The following CHODL variants were observed in gnomAD, a reference collection of about 807,000 sequenced individuals.
CHODL encodes transmembrane protein MT75.
A neutral mutation model predicts 34.5 loss-of-function variants in CHODL; 29 were observed. That is an observed-to-expected ratio of 0.84 (90% CI 0.63 to 1.15). The LOEUF (loss-of-function observed/expected upper bound fraction) is 1.15, where lower values mean the gene tolerates loss of function less well. Ranked by LOEUF, CHODL falls within the 50% of genes most tolerant of loss-of-function variation. The pLI is 0.00. For synonymous variants in CHODL, 125 were observed against 116.1 expected, an observed-to-expected ratio of 1.08 and a Z score of -0.49; for missense variants, 332 against 332.5, an observed-to-expected ratio of 1.00 and a Z score of 0.01.
intron 1 of CHODL, among the ~76,000 whole-genome samples, chr21:17,975,164 T>C (rs938374969): frequency 2.0e-5 from 3 of 151,984 alleles, no homozygotes; most frequent in Non-Finnish European, 4.4e-5. Flanking sequence ...TATGTCCTTT[T>C]CAGCAACATG....
chr21:18,023,497 A>G (rs2064146528), intron 1 of CHODL, among the ~76,000 whole-genome samples: 1 of 151,986 alleles, frequency 6.6e-6, no homozygotes, highest in Admixed American at 6.6e-5. Flanking sequence ...CGCGAACCCA[A>G]TCAGGAATGA....
At chr21:18,087,515 C>A (rs1323794295) in intron 2 of CHODL, among the ~76,000 whole-genome samples, 1 of 152,084 alleles carries the variant, frequency 6.6e-6, no homozygotes, top group African/African-American at 2.4e-5. Flanking sequence ...CACGGCAGCC[C>A]ATTGCAGGGC....
At chr21:17,971,747 C>A (rs190392995) in intron 1 of CHODL, among the ~76,000 whole-genome samples, 26 of 152,270 alleles carry the variant, frequency 1.7e-4, no homozygotes, top group African/African-American at 5.5e-4. Flanking sequence ...GGTACCATTC[C>A]TTCTGAAATG....
intron 2 of CHODL, among the ~76,000 whole-genome samples, chr21:18,053,351 A>T (rs1181166147): frequency 6.6e-6 from 1 of 151,990 alleles, no homozygotes; most frequent in African/African-American, 2.4e-5. Flanking sequence ...TGAAATGCTG[A>T]TGTAGCATTC....
intron 2 of CHODL, among the ~76,000 whole-genome samples, chr21:18,109,160 AG>A (rs1416967283): frequency 1.3e-5 from 2 of 152,260 alleles, no homozygotes; most frequent in South Asian, 2.1e-4. Flanking sequence ...GTGCAGTTGT[AG>A]GGATGACTTA....
intron 2 of CHODL, among the ~76,000 whole-genome samples, chr21:18,147,198 A>T (rs1188880686): frequency 2.6e-5 from 4 of 152,354 alleles, no homozygotes; most frequent in South Asian, 2.1e-4. Flanking sequence ...ATGGAAGAGT[A>T]CACTTGGTTA....
chr21:17,936,994 A>T (rs907406260), intron 1 of CHODL, among the ~76,000 whole-genome samples: 5 of 151,118 alleles, frequency 3.3e-5, no homozygotes, highest in Non-Finnish European at 5.9e-5. Context: ...GAATCACTTG[A>T]ACCCTGGAGG....
At chr21:17,962,932 C>T (rs989359590) in intron 1 of CHODL, among the ~76,000 whole-genome samples, 10 of 151,834 alleles carry the variant, frequency 6.6e-5, no homozygotes, top group South Asian at 4.2e-4. Context: ...GGCGTGGTGG[C>T]GGGCACCTGT....
intron 1 of CHODL, among the ~76,000 whole-genome samples, chr21:17,969,575 T>C (rs1222186126): frequency 6.6e-6 from 1 of 152,224 alleles, no homozygotes; most frequent in Non-Finnish European, 1.5e-5. Context: ...TATTTTTCTG[T>C]TAGTGACAGT....
chr21:18,159,481 T>C (rs1283954733), intron 2 of CHODL, among the ~76,000 whole-genome samples: 1 of 152,204 alleles, frequency 6.6e-6, no homozygotes, highest in African/African-American at 2.4e-5. Flanking sequence ...TGAAATATTA[T>C]TGGAGTGAAT....
chr21:18,245,784 C>G, intron 1 of CHODL: 1 of 780,072 alleles, frequency 1.3e-6, no homozygotes, highest in East Asian at 2.7e-5. Flanking sequence ...TGTGGGTCGC[C>G]TCCGGATGCC....
chr21:17,972,100 C>T (rs2146363555), intron 1 of CHODL, among the ~76,000 whole-genome samples: 1 of 152,134 alleles, frequency 6.6e-6, no homozygotes, highest in Middle Eastern at 3.4e-3. Context: ...ATTCAACACC[C>T]CTTCATGCTA....
intron 2 of CHODL, among the ~76,000 whole-genome samples, chr21:18,233,909 C>T (rs2074005135): frequency 2.0e-5 from 3 of 152,198 alleles, no homozygotes; most frequent in South Asian, 4.1e-4. Flanking sequence ...CTTCTTAAAA[C>T]ATATAATGCA....
chr21:18,079,410 T>G (rs1042733690), intron 2 of CHODL, among the ~76,000 whole-genome samples: 2 of 147,690 alleles, frequency 1.4e-5, no homozygotes, highest in Admixed American at 1.4e-4. Context: ...ATATATCACA[T>G]ATATATACCA....
intron 2 of CHODL, among the ~76,000 whole-genome samples, chr21:18,117,150 T>C (rs1243669512): frequency 1.3e-5 from 2 of 152,194 alleles, no homozygotes; most frequent in African/African-American, 2.4e-5. Flanking sequence ...GGTTACCTCA[T>C]GAGCTGTCAT....
At chr21:18,021,394 T>A (rs1406404360) in intron 1 of CHODL, among the ~76,000 whole-genome samples, 1 of 152,206 alleles carries the variant, frequency 6.6e-6, no homozygotes, top group Non-Finnish European at 1.5e-5. Flanking sequence ...TACTCCTGAT[T>A]ATGTATTTTC....
chr21:18,125,563 A>C (rs1048538242), intron 2 of CHODL, among the ~76,000 whole-genome samples: 1 of 151,554 alleles, frequency 6.6e-6, no homozygotes, highest in South Asian at 2.1e-4. Context: ...ATTATTTTTA[A>C]ATTTAATTAA....
At chr21:17,923,382 TAAAAA>T (rs1186702940) in intron 1 of CHODL, among the ~76,000 whole-genome samples, 4 of 132,044 alleles carry the variant, frequency 3.0e-5, no homozygotes, top group Non-Finnish European at 6.8e-5. Context: ...TAAAATAAAT[TAAAAA>T]AAGTAAAAAG....
chr21:18,254,746 A>G (rs1402530771), intron 1 of CHODL, among the ~76,000 whole-genome samples: 4 of 152,156 alleles, frequency 2.6e-5, no homozygotes, highest in Admixed American at 2.6e-4. Context: ...TCTGGCATAT[A>G]TATGTAAATA....
Sources: allele counts gnomAD v4.1 joint callset (sites outside exome capture counted in the v4.1 genomes callset), GRCh38; gene constraint gnomAD v4.1.1; transcripts MANE v1.5; gene names NCBI Gene and HGNC (gene_info 2026-07-23, HGNC 2026-07-21).